NECTIN1: variants seen among roughly 807,000 people sequenced by gnomAD.
The protein encoded by NECTIN1 is nectin cell adhesion molecule 1.
Under a neutral mutation model 48.0 loss-of-function variants are expected in NECTIN1, and 23 were observed. That is an observed-to-expected ratio of 0.48 (90% CI 0.34 to 0.68). NECTIN1 has a LOEUF of 0.68. Among genes scored for constraint, NECTIN1 ranks in the 30% least tolerant of loss-of-function variants. The probability of loss-of-function intolerance (pLI) is 0.01; values close to 1 mark genes in which losing one functional copy is unlikely to be tolerated. For synonymous variants in NECTIN1, 270 were observed against 288.9 expected, an observed-to-expected ratio of 0.93 and a Z score of 0.66; for missense variants, 591 against 709.9, an observed-to-expected ratio of 0.83 and a Z score of 1.90.
intron 5 of NECTIN1, among the ~76,000 whole-genome samples, chr11:119,669,605 A>AGT (rs111936679): frequency 0.021 from 3,224 of 152,184 alleles, 95 homozygotes; most frequent in African/African-American, 0.072. Flanking sequence ...TTGAAGTGTA[A>AGT]CATATCTGCT....
chr11:119,674,342 T>C, intron 5 of NECTIN1: 2 of 1,399,286 alleles, frequency 1.4e-6, no homozygotes, highest in Non-Finnish European at 9.3e-7. Context: ...TGTGTGGACT[T>C]GTTTTGATGC....
At chr11:119,638,876 C>T in intron 6 of NECTIN1, 2 of 1,361,364 alleles carry the variant, frequency 1.5e-6, no homozygotes, top group Non-Finnish European at 2.1e-6. Flanking sequence ...GGCCACCAGA[C>T]AGCTACCGGT....
At chr11:119,647,100 A>T (rs2135527859) in intron 5 of NECTIN1, among the ~76,000 whole-genome samples, 1 of 151,204 alleles carries the variant, frequency 6.6e-6, no homozygotes, top group Admixed American at 6.6e-5. Flanking sequence ...CATGGGCCAC[A>T]CACCCCCAAC....
At chr11:119,676,196 G>T (rs1864945265) in intron 4 of NECTIN1, among the ~76,000 whole-genome samples, 2 of 152,166 alleles carry the variant, frequency 1.3e-5, no homozygotes, top group African/African-American at 4.8e-5. Flanking sequence ...CATGTGGGAA[G>T]TGACTTGCAA....
At chr11:119,689,664 G>C (rs765803447) in intron 1 of NECTIN1, among the ~76,000 whole-genome samples, 1 of 152,204 alleles carries the variant, frequency 6.6e-6, no homozygotes, top group Non-Finnish European at 1.5e-5. Context: ...TAGGAGCTCC[G>C]TGCGCACTGC....
chr11:119,645,614 G>T (rs1393115221), intron 5 of NECTIN1, among the ~76,000 whole-genome samples: 2 of 152,150 alleles, frequency 1.3e-5, no homozygotes, highest in Admixed American at 6.5e-5. Flanking sequence ...GTCCAGTCAG[G>T]CCCATGTTTT....
intron 1 of NECTIN1, among the ~76,000 whole-genome samples, chr11:119,707,953 G>C (rs1385411568): frequency 6.6e-6 from 1 of 152,240 alleles, no homozygotes; most frequent in Non-Finnish European, 1.5e-5. Flanking sequence ...AAGGAGCGTG[G>C]AGGAATAAGA....
Position 119,688,422 on chromosome 11 carries a change from G to A in NECTIN1, c.80-9657C>T, listed in dbSNP as rs571851951. 7.6e-4 allele frequency among the ~76,000 whole-genome samples: 115 copies of A among 151,824 alleles called. 1 individual carries two copies. The highest frequency in any genetic ancestry group is 3.4e-3 in the Middle Eastern group (1 of 294). ...CTCCCCCAGGGCACGAATGAACTCC[G>A]CACCAATGACATTTTGGAGGGGGGG... On this transcript the variant is annotated intron_variant, in intron 1 of 5. Transcript: ENST00000264025.
chr11:119,689,629 G>A (rs1402045666), intron 1 of NECTIN1, among the ~76,000 whole-genome samples: 7 of 152,340 alleles, frequency 4.6e-5, no homozygotes, highest in East Asian at 1.9e-4. Flanking sequence ...AATGTGCCCC[G>A]CACATTCCAA....
chr11:119,718,906 T>C (rs896069940), intron 1 of NECTIN1, among the ~76,000 whole-genome samples: 1 of 152,242 alleles, frequency 6.6e-6, no homozygotes, highest in African/African-American at 2.4e-5. Context: ...TTGTAATATC[T>C]GTATACATGA....
At chr11:119,720,168 C>T (rs11217426) in intron 1 of NECTIN1, among the ~76,000 whole-genome samples, 59,474 of 152,132 alleles carry the variant, frequency 0.39, 11,902 homozygotes, top group South Asian at 0.55. Flanking sequence ...TGCAGTGGGA[C>T]CCACATGACG....
At chr11:119,711,153 G>T (rs1054537991) in intron 1 of NECTIN1, among the ~76,000 whole-genome samples, 1 of 151,596 alleles carries the variant, frequency 6.6e-6, no homozygotes, top group African/African-American at 2.4e-5. Flanking sequence ...ACTTTGGGAG[G>T]CCAAGGCAGG....
chr11:119,686,997 T>G (rs1865170294), intron 1 of NECTIN1, among the ~76,000 whole-genome samples: 1 of 152,078 alleles, frequency 6.6e-6, no homozygotes, highest in Admixed American at 6.5e-5. Context: ...ATTTCTCAGG[T>G]CTGACTGCAG....
At chr11:119,703,885 C>T (rs1446298849) in intron 1 of NECTIN1, among the ~76,000 whole-genome samples, 1 of 152,220 alleles carries the variant, frequency 6.6e-6, no homozygotes, top group Non-Finnish European at 1.5e-5. Flanking sequence ...CCACTGCATC[C>T]AGGATGCCGG....
chr11:119,693,023 G>A (rs546101819), intron 1 of NECTIN1, among the ~76,000 whole-genome samples: 9 of 152,272 alleles, frequency 5.9e-5, no homozygotes, highest in South Asian at 4.1e-4. Context: ...CTCCTCCTTC[G>A]TTCTGCGGGA....
chr11:119,713,568 C>G (rs1865694613), intron 1 of NECTIN1: 1 of 168,634 alleles, frequency 5.9e-6, no homozygotes, highest in Non-Finnish European at 1.3e-5. Context: ...TGTCTCTGCC[C>G]AGCCTTGCCC....
At chr11:119,657,739 A>AAATAAT (rs57059976), downstream of NECTIN1, among the ~76,000 whole-genome samples, 13,413 of 128,036 alleles carry the variant, frequency 0.1, 860 homozygotes, top group East Asian at 0.18. Flanking sequence ...TGTCTCTATA[A>AAATAAT]AATAATAATA....
intron 5 of NECTIN1, among the ~76,000 whole-genome samples, chr11:119,647,843 A>G (rs1673242677): frequency 6.6e-6 from 1 of 152,030 alleles, no homozygotes; most frequent in Non-Finnish European, 1.5e-5. Context: ...TGGGTGGATC[A>G]CCTGAGATCA....
Position 119,662,211 on chromosome 11 carries a change from C to G in NECTIN1, c.*2536G>C. 1 of 985,504 alleles carries G rather than the reference C, an allele frequency of 1.0e-6. No individual in the cohort carries two copies. The highest frequency in any genetic ancestry group is 1.2e-6 in the Non-Finnish European group (1 of 829,946). 61.0% of individuals were successfully genotyped at this position (985,504 alleles called of 1,614,324 possible). ...AAGGAGAAGCAAAATGTCCTCATCTCTCTGCTGGGCTAGACCTCCCTTTTG... is the reference window on the plus strand; with the variant it reads ...AAGGAGAAGCAAAATGTCCTCATCTGTCTGCTGGGCTAGACCTCCCTTTTG... On this transcript the variant is annotated 3_prime_UTR_variant, in exon 6 of 6. Coordinates refer to ENST00000264025, the MANE Select transcript of NECTIN1 (RefSeq NM_002855.5). The surrounding 1 kb of genome is among the most constrained non-coding windows in gnomAD (Gnocchi z 5.3).
Sources: allele counts gnomAD v4.1 joint callset (sites outside exome capture counted in the v4.1 genomes callset), GRCh38; gene constraint gnomAD v4.1.1; non-coding constraint Gnocchi (gnomAD v3.1); transcripts MANE v1.5; gene names NCBI Gene and HGNC (gene_info 2026-07-23, HGNC 2026-07-21).